The following ITGAM variants were observed in gnomAD, a reference collection of about 807,000 sequenced individuals.
ITGAM encodes integrin subunit alpha M.
ITGAM carries 79 observed loss-of-function variants against 137.5 expected under a neutral mutation model. That is an observed-to-expected ratio of 0.57 (90% confidence interval 0.48 to 0.69). The LOEUF is 0.69. ITGAM is among the 30% of genes least tolerant of loss of function. ITGAM has a pLI of 0.00. For missense variants in ITGAM, 1,343 were observed against 1,483.5 expected (o/e 0.91, Z 1.56); for synonymous variants, 583 against 592.3 (o/e 0.98, Z 0.23).
rs576120092 is a variant in ITGAM at position 31,260,549 on chromosome 16, G to A, written c.28+457G>A. Among the ~76,000 whole-genome samples the A allele has an allele frequency of 2.6e-5, 4 of 152,334 alleles. No individual in the cohort carries two copies. The South Asian group carries it at 6.2e-4, about 24-fold the overall frequency. On this transcript the variant is annotated intron_variant, in intron 1 of 29. Coordinates refer to ENST00000544665, the MANE Select transcript of ITGAM (RefSeq NM_000632.4). Reference sequence around the variant, plus strand: ...AGTTTGTTACCTTTTATGCTTATATGTTGTGGAAAATGAAATTCTCCTCAA... The same window carrying A: ...AGTTTGTTACCTTTTATGCTTATATATTGTGGAAAATGAAATTCTCCTCAA...
intron 12 of ITGAM, among the ~76,000 whole-genome samples, chr16:31,284,032 G>A (rs2079999398): frequency 1.3e-5 from 2 of 152,204 alleles, no homozygotes; most frequent in Non-Finnish European, 2.9e-5. Flanking sequence ...AGTGGAGGCT[G>A]CAGAACAGCA....
Position 31,325,293 on chromosome 16 carries a change from G to A in ITGAM, c.2394G>A (p.Arg798=). 6.2e-7 allele frequency: 1 copy of A among 1,613,666 alleles called. No homozygotes were observed. Among genetic ancestry groups the A allele is most frequent in the East Asian group, 2.2e-5 (1 of 44,882 alleles). Residue 798 remains arginine (R), a synonymous_variant, in exon 20 of 30, where the codon CGG becomes CGA. Transcript: ENST00000544665. Reference sequence around the variant, plus strand: ...ACTGCCTCGTGGTGGGTGGGCCCCGGGAGTTCAACGTGACAGTGACTGTGA... The same window carrying A: ...ACTGCCTCGTGGTGGGTGGGCCCCGAGAGTTCAACGTGACAGTGACTGTGA... The part of the protein sequence containing the change: ...SLDCLVVGGP[R]EFNVTVTVRN...
In ITGAM at chr16:31,271,073, T is replaced by A; in HGVS notation, c.547T>A (p.Ser183Thr). ...VSTVMEQLKK[S>T]KTLFSLMQYS... ...AACTGTGATGGAGCAATTAAAAAAG[T>A]CCAAAACCTTGGTGAGGGCCCAGGG... The change falls in exon 6 of 30, where the codon TCC becomes ACC. Residue 183 changes from serine (S) to threonine (T), a missense_variant. Physicochemically the swap from Ser to Thr is moderately conservative, Grantham distance 58. Coordinates refer to ENST00000544665, the MANE Select transcript of ITGAM (RefSeq NM_000632.4). 1 of 1,570,878 alleles carries A rather than the reference T, an allele frequency of 6.4e-7. No homozygotes were observed. Among genetic ancestry groups the A allele is most frequent in the Non-Finnish European group, 8.7e-7 (1 of 1,154,108 alleles).
At position 31,324,562 on chromosome 16, in the gene ITGAM, G is replaced by C; in HGVS notation, c.2157+9G>C. 1 of 1,610,040 alleles carries C rather than the reference G, an allele frequency of 6.2e-7. No homozygotes were observed. On this transcript the variant is annotated intron_variant, in intron 17 of 29. Coordinates refer to ENST00000544665, the MANE Select transcript of ITGAM (RefSeq NM_000632.4). The surrounding 1 kb of genome is among the most constrained non-coding windows in gnomAD (Gnocchi z 4.5). ...TGAAACTACAGTTGCCGGTGAGCAG[G>C]CTAGTGGCCAGACCCCTGGGTCTTC...
intron 12 of ITGAM, among the ~76,000 whole-genome samples, chr16:31,287,263 A>G (rs2080038517): frequency 2.0e-5 from 3 of 152,142 alleles, no homozygotes. Context: ...TACCAGTACC[A>G]TACTGTTTTG....
intron 8 of ITGAM, 73 bp from the exon 9 acceptor site, chr16:31,275,476 C>A: frequency 6.8e-7 from 1 of 1,466,616 alleles, no homozygotes; most frequent in Non-Finnish European, 9.5e-7. Flanking sequence ...AGACTAGTTT[C>A]CTGCAGAATT....
intron 14 of ITGAM, among the ~76,000 whole-genome samples, chr16:31,310,511 T>A (rs1434197074): frequency 6.6e-6 from 1 of 152,250 alleles, no homozygotes; most frequent in Non-Finnish European, 1.5e-5. Flanking sequence ...TGTGCATTCG[T>A]CACGTAGTTC....
intron 14 of ITGAM, among the ~76,000 whole-genome samples, chr16:31,305,918 A>G (rs1280764385): frequency 6.6e-6 from 1 of 151,954 alleles, no homozygotes; most frequent in Non-Finnish European, 1.5e-5. Flanking sequence ...ATTGTTCTGT[A>G]GTTTTCTTTT....
Position 31,330,419 on chromosome 16 carries a change from A to G in ITGAM, c.3172A>G (p.Lys1058Glu), listed in dbSNP as rs1487574706. 1.9e-6 allele frequency: 3 copies of G among 1,612,984 alleles called. No homozygotes were observed. Among genetic ancestry groups the G allele is most frequent in the Non-Finnish European group, 2.5e-6 (3 of 1,178,928 alleles). The change falls in exon 27 of 30, where the codon AAG becomes GAG. Residue 1058 changes from lysine (K) to glutamate (E), a missense_variant and splice_region_variant. Lys to Glu is a moderately conservative substitution (Grantham distance 56, BLOSUM62 1). Transcript: ENST00000544665. ...KGNLSFDWYI[K>E]TSHNHLLIVS... is the part of the protein sequence containing the mutation. Reference sequence around the variant, plus strand: ...CAACCTCTCGTTTGACTGGTACATCAAGGTGTGTGGGGTCCTGAGGCTTCG... The same window carrying G: ...CAACCTCTCGTTTGACTGGTACATCGAGGTGTGTGGGGTCCTGAGGCTTCG...
chr16:31,269,583 G>A (rs906650717), intron 5 of ITGAM, among the ~76,000 whole-genome samples: 4 of 152,082 alleles, frequency 2.6e-5, no homozygotes, highest in Non-Finnish European at 4.4e-5. Flanking sequence ...TTGCAAAGGC[G>A]GTTTCAGTAA....
intron 14 of ITGAM, among the ~76,000 whole-genome samples, chr16:31,309,457 C>G (rs960252862): frequency 7.1e-6 from 1 of 140,732 alleles, no homozygotes; most frequent in South Asian, 2.4e-4. Context: ...CTGTTTTACC[C>G]GAGACTAGGA....
chr16:31,291,752 G>A (rs1162357804), intron 12 of ITGAM, among the ~76,000 whole-genome samples: 1 of 151,986 alleles, frequency 6.6e-6, no homozygotes, highest in African/African-American at 2.4e-5. Context: ...ATCTCATGGA[G>A]GTAGAGAGTA....
At chr16:31,331,506 T>C (rs892875582) in intron 29 of ITGAM, 130 bp from the exon 30 acceptor site, 192 of 659,262 alleles carry the variant, frequency 2.9e-4, no homozygotes, top group Non-Finnish European at 5.0e-4. Flanking sequence ...GACGCGGATG[T>C]CACTCCCCTC....
At chr16:31,270,338 G>A (rs1474596063) in intron 5 of ITGAM, among the ~76,000 whole-genome samples, 1 of 151,702 alleles carries the variant, frequency 6.6e-6, no homozygotes, top group African/African-American at 2.4e-5. Context: ...CTGATCTCAA[G>A]TGATCCACCT....
rs758563936 is a variant in ITGAM at position 31,331,756 on chromosome 16, C to G, written c.*49C>G. ...CTCTCGGTGGCCAGCAGGACTCTGCCCAGACCACACGTAGCCCCCAGGCTG... is the reference window on the plus strand; with the variant it reads ...CTCTCGGTGGCCAGCAGGACTCTGCGCAGACCACACGTAGCCCCCAGGCTG... On this transcript the variant is annotated 3_prime_UTR_variant, in exon 30 of 30. Coordinates refer to ENST00000544665, the MANE Select transcript of ITGAM (RefSeq NM_000632.4). The G allele has an allele frequency of 2.7e-5, 38 of 1,411,000 alleles. No homozygotes were observed. Among genetic ancestry groups the G allele is most frequent in the Non-Finnish European group, 3.5e-5 (36 of 1,028,950 alleles). The allele number at this position is 1,411,000 out of a possible 1,614,324, so 87.4% of individuals were successfully genotyped here.
At chr16:31,260,449 C>T (rs1297567296) in intron 1 of ITGAM, among the ~76,000 whole-genome samples, 2 of 152,170 alleles carry the variant, frequency 1.3e-5, no homozygotes, top group South Asian at 2.1e-4. Context: ...ACCATCTCCA[C>T]TTTGCCTCCG....
At chr16:31,269,654 C>T (rs571643980) in intron 5 of ITGAM, among the ~76,000 whole-genome samples, 9 of 152,094 alleles carry the variant, frequency 5.9e-5, no homozygotes, top group African/African-American at 1.9e-4. Context: ...CTGTGACAGG[C>T]CTAAGGGAGC....
At chr16:31,269,144 T>C (rs1377004174) in intron 5 of ITGAM, among the ~76,000 whole-genome samples, 1 of 152,120 alleles carries the variant, frequency 6.6e-6, no homozygotes, top group African/African-American at 2.4e-5. Context: ...GAGTCGGAGC[T>C]GTCTTCTTGC....
rs771884403 is a variant in ITGAM, at chr16:31,330,086, C to T, written c.2982C>T (p.Leu994=). 15 of 1,613,584 alleles carry T rather than the reference C, an allele frequency of 9.3e-6. No homozygotes were observed. The highest frequency in any genetic ancestry group is 1.3e-5 in the Non-Finnish European group (15 of 1,179,700). ...CAGTGCGTCTCTTTCCTCAGAACCT[C>T]TCGAGTACGTGCCACACCAAGGAGC... The part of the protein sequence containing the change: ...DRPQVTFSEN[L]SSTCHTKERL... The change falls in exon 26 of 30, where the codon CTC becomes CTT. Residue 994 remains leucine, a synonymous_variant. Transcript: ENST00000544665.
Sources: gnomAD v4.1 joint callset for allele counts (sites outside exome capture counted in the v4.1 genomes callset) on GRCh38, gnomAD v4.1.1 for gene constraint, Gnocchi (gnomAD v3.1) non-coding constraint, MANE v1.5 for transcripts, NCBI Gene and HGNC (gene_info 2026-07-23, HGNC 2026-07-21) for gene names.